Variants in HS3ST4 observed in about 807,000 individuals in gnomAD.
HS3ST4 encodes heparan sulfate glucosamine 3-O-sulfotransferase 4.
Under a neutral mutation model 29.2 loss-of-function variants are expected in HS3ST4, and 17 were observed. The observed-to-expected ratio is 0.58, with a 90% CI of 0.40 to 0.87. The LOEUF (loss-of-function observed/expected upper bound fraction) is 0.87. Among genes scored for constraint, HS3ST4 ranks in the 40% least tolerant of loss-of-function variants. The pLI is 0.00. For missense variants in HS3ST4, 627 were observed against 634.5 expected, an observed-to-expected ratio of 0.99 and a Z score of 0.13; for synonymous variants, 314 against 285.7, an observed-to-expected ratio of 1.10 and a Z score of -1.00.
At chr16:25,858,037 TTTC>T (rs1334475007) in intron 1 of HS3ST4, among the ~76,000 whole-genome samples, 1 of 150,972 alleles carries the variant, frequency 6.6e-6, no homozygotes. Context: ...CCTCTTTCTC[TTTC>T]TTCTTTCTCT....
At chr16:25,832,290 TAAAG>T (rs1239684198) in intron 1 of HS3ST4, among the ~76,000 whole-genome samples, 2 of 152,078 alleles carry the variant, frequency 1.3e-5, no homozygotes, top group African/African-American at 4.8e-5. Context: ...TAATCCATAA[TAAAG>T]AAAGTTTGTT....
intron 1 of HS3ST4, among the ~76,000 whole-genome samples, chr16:26,085,964 C>T (rs1330015623): frequency 6.6e-6 from 1 of 151,952 alleles, no homozygotes; most frequent in East Asian, 1.9e-4. Context: ...CTTAGCTTTG[C>T]CAGTTCCCAG....
chr16:25,896,129 G>A (rs555432596), intron 1 of HS3ST4, among the ~76,000 whole-genome samples: 145 of 152,276 alleles, frequency 9.5e-4, no homozygotes, highest in African/African-American at 3.5e-3. Flanking sequence ...CATGTCCCCT[G>A]ACTCCAGCTC....
chr16:25,733,450 T>C (rs1481168995), intron 1 of HS3ST4, among the ~76,000 whole-genome samples: 2 of 152,206 alleles, frequency 1.3e-5, no homozygotes, highest in Non-Finnish European at 2.9e-5. Flanking sequence ...AGCCCCGTCA[T>C]GAGGCATCAT....
At chr16:25,887,393 C>T (rs1037581219) in intron 1 of HS3ST4, among the ~76,000 whole-genome samples, 1 of 152,096 alleles carries the variant, frequency 6.6e-6, no homozygotes, top group Non-Finnish European at 1.5e-5. Context: ...AAATACGCCT[C>T]ACAGTCATCC....
intron 1 of HS3ST4, among the ~76,000 whole-genome samples, chr16:25,846,715 A>T (rs1293117356): frequency 1.3e-5 from 2 of 152,134 alleles, no homozygotes; most frequent in African/African-American, 2.4e-5. Flanking sequence ...TAATATAGCC[A>T]TAGTTTTGAT....
At chr16:26,076,310 T>G (rs1045155273) in intron 1 of HS3ST4, among the ~76,000 whole-genome samples, 1 of 152,246 alleles carries the variant, frequency 6.6e-6, no homozygotes, top group Non-Finnish European at 1.5e-5. Context: ...AAGCAGTGAC[T>G]TTGAGTGTAC....
At chr16:25,887,114 G>T (rs1319188637) in intron 1 of HS3ST4, among the ~76,000 whole-genome samples, 1 of 152,110 alleles carries the variant, frequency 6.6e-6, no homozygotes, top group Admixed American at 6.6e-5. Flanking sequence ...TTTGTAGAAG[G>T]TTGGGTGACC....
chr16:26,032,775 C>G, intron 1 of HS3ST4: 1 of 1,290,704 alleles, frequency 7.7e-7, no homozygotes, highest in Non-Finnish European at 1.1e-6. Context: ...TTGGCTTTAT[C>G]TCCCTTAGCA....
chr16:25,864,928 TTA>T (rs1225255033), intron 1 of HS3ST4, among the ~76,000 whole-genome samples: 3 of 126,570 alleles, frequency 2.4e-5, no homozygotes, highest in Non-Finnish European at 5.0e-5. Context: ...CAATGGAATA[TTA>T]TATATATACA....
At chr16:25,695,639 T>C (rs913290543) in intron 1 of HS3ST4, among the ~76,000 whole-genome samples, 5 of 152,212 alleles carry the variant, frequency 3.3e-5, no homozygotes, top group Admixed American at 6.5e-5. Flanking sequence ...ATCAGTGGCA[T>C]CGATTCCAGT....
In HS3ST4 at chr16:26,062,519, A is replaced by G. The variant is rs570446151; in HGVS notation, c.735-73093A>G. The stretch of plus-strand genomic sequence containing the variant: ...TTGATCCCAGGGATGAGACAGTTGT[A>G]CCTGAACCTTGGCCCGATGCCTGCA... On this transcript the variant is annotated intron_variant, in intron 1 of 1. Coordinates refer to ENST00000331351, the MANE Select transcript of HS3ST4 (RefSeq NM_006040.3). 3.9e-5 allele frequency among the ~76,000 whole-genome samples: 6 copies of G among 151,912 alleles called. No homozygotes were observed. The East Asian group carries it at 1.2e-3, about 29-fold the overall frequency.
At chr16:25,777,768 AAAAC>A (rs1352025818) in intron 1 of HS3ST4, among the ~76,000 whole-genome samples, 5 of 152,192 alleles carry the variant, frequency 3.3e-5, no homozygotes, top group Admixed American at 6.5e-5. Flanking sequence ...ACTCCATCTC[AAAAC>A]AAACAAACAA....
At chr16:25,734,856 G>A (rs376454552) in intron 1 of HS3ST4, among the ~76,000 whole-genome samples, 2 of 151,646 alleles carry the variant, frequency 1.3e-5, no homozygotes, top group Admixed American at 6.6e-5. Flanking sequence ...ATGCTGGGGC[G>A]ACCAAAGCCT....
chr16:26,114,720 TA>T (rs1265699414), intron 1 of HS3ST4, among the ~76,000 whole-genome samples: 1 of 151,920 alleles, frequency 6.6e-6, no homozygotes, highest in Non-Finnish European at 1.5e-5. Flanking sequence ...TGAAGAGAAA[TA>T]AGTACCATTA....
chr16:25,939,986 G>A (rs1470999720), intron 1 of HS3ST4, among the ~76,000 whole-genome samples: 1 of 152,146 alleles, frequency 6.6e-6, no homozygotes, highest in African/African-American at 2.4e-5. Context: ...TGGGATGGTA[G>A]GTAGGTAATA....
At chr16:25,865,929 A>G (rs1235312820) in intron 1 of HS3ST4, among the ~76,000 whole-genome samples, 1 of 152,228 alleles carries the variant, frequency 6.6e-6, no homozygotes. Flanking sequence ...TTTTAAAAAT[A>G]TAACCCCAAA....
intron 1 of HS3ST4, among the ~76,000 whole-genome samples, chr16:26,104,037 G>C (rs554626354): frequency 6.6e-6 from 1 of 152,264 alleles, no homozygotes; most frequent in East Asian, 1.9e-4. Flanking sequence ...AAAACACTGG[G>C]AATGCATTTG....
rs569205355 is a variant in HS3ST4, at chr16:25,744,840, G to T, written c.734+51689G>T. 1.1e-4 allele frequency among the ~76,000 whole-genome samples: 16 copies of T among 152,320 alleles called. No homozygotes were observed. The South Asian group carries it at 3.1e-3, about 30-fold the overall frequency. On this transcript the variant is annotated intron_variant, in intron 1 of 1. Transcript: ENST00000331351. ...TCTCTCTTTGCCTGCTGCCATCCATGTAAGACGTGAATTGCTCCTCCTTGC... is the reference window on the plus strand; with the variant it reads ...TCTCTCTTTGCCTGCTGCCATCCATTTAAGACGTGAATTGCTCCTCCTTGC...
Sources: gnomAD v4.1 joint callset for allele counts (sites outside exome capture counted in the v4.1 genomes callset) on GRCh38, gnomAD v4.1.1 for gene constraint, MANE v1.5 for transcripts, NCBI Gene and HGNC (gene_info 2026-07-23, HGNC 2026-07-21) for gene names.